Variants in RSPO2 observed in about 807,000 individuals in gnomAD.
RSPO2 encodes the protein R-spondin-2.
A neutral mutation model predicts 30.9 loss-of-function variants in RSPO2; 14 were observed. The observed-to-expected ratio is 0.45, with a 90% confidence interval of 0.30 to 0.71. The LOEUF (loss-of-function observed/expected upper bound fraction) is 0.71, where lower values mean the gene tolerates loss of function less well. Among genes scored for constraint, RSPO2 ranks in the 30% least tolerant of loss-of-function variants. The pLI, the probability that RSPO2 is intolerant of heterozygous loss-of-function variation, is 0.08. For synonymous variants in RSPO2, 107 were observed against 96.4 expected, an observed-to-expected ratio of 1.11 and a Z score of -0.64; for missense variants, 264 against 301.9, an observed-to-expected ratio of 0.87 and a Z score of 0.93.
At chr8:107,955,954 C>T (rs1256370616) in intron 5 of RSPO2, among the ~76,000 whole-genome samples, 4 of 152,184 alleles carry the variant, frequency 2.6e-5, no homozygotes, top group Non-Finnish European at 5.9e-5. Context: ...TCACTGAAAT[C>T]AAATCAAGAT....
At chr8:107,902,002 C>G (rs897835230) in intron 5 of RSPO2, among the ~76,000 whole-genome samples, 4 of 152,168 alleles carry the variant, frequency 2.6e-5, no homozygotes, top group African/African-American at 9.7e-5. Flanking sequence ...TTTACTTCCT[C>G]CATCTGTGGT....
chr8:108,058,320 T>C (rs1812323669), intron 2 of RSPO2, among the ~76,000 whole-genome samples: 1 of 152,118 alleles, frequency 6.6e-6, no homozygotes, highest in African/African-American at 2.4e-5. Context: ...CAAGGAGAAC[T>C]ACAAACCACT....
At chr8:108,074,333 G>C (rs1403713043) in intron 2 of RSPO2, among the ~76,000 whole-genome samples, 1 of 152,092 alleles carries the variant, frequency 6.6e-6, no homozygotes, top group African/African-American at 2.4e-5. Flanking sequence ...TAATACCTTT[G>C]CTCTGACCCT....
At position 108,028,193 on chromosome 8, in the gene RSPO2, G is replaced by C. The variant is rs1259537282; in HGVS notation, c.95-38949C>G. Among the ~76,000 whole-genome samples, 3 of 152,070 alleles carry C rather than the reference G, an allele frequency of 2.0e-5. No individual in the cohort carries two copies. In the East Asian group the frequency reaches 5.8e-4, roughly 29 times the overall value. ...TCACCTTAACTCTGACCTAGCAATT[G>C]ACCTTCTTGACCCCCCTAAACTGCT... is the stretch of plus-strand genomic sequence containing the variant. On this transcript the variant is annotated intron_variant, in intron 2 of 5. Coordinates refer to ENST00000276659, the MANE Select transcript of RSPO2 (RefSeq NM_178565.5).
Position 107,985,457 on chromosome 8 carries a change from G to A in RSPO2, c.283+3599C>T, listed in dbSNP as rs186711431. Among the ~76,000 whole-genome samples, 78 of 152,184 alleles carry A rather than the reference G, an allele frequency of 5.1e-4. 1 individual carries two copies. The highest frequency in any genetic ancestry group is 1.4e-3 in the African/African-American group (59 of 41,526). On this transcript the variant is annotated intron_variant, in intron 3 of 5. Transcript: ENST00000276659. ...ACCATTCAGTAGAATATTTGCAACCGTATTTAATGGCATGAAAATATGTTC... is the reference window on the plus strand; with the variant it reads ...ACCATTCAGTAGAATATTTGCAACCATATTTAATGGCATGAAAATATGTTC...
In RSPO2 at chr8:108,067,854, C is replaced by T. The variant is rs527430510; in HGVS notation, c.94+14691G>A. Among the ~76,000 whole-genome samples, 8 of 152,176 alleles carry T rather than the reference C, an allele frequency of 5.3e-5. No homozygotes were observed. The South Asian group carries it at 1.0e-3, about 20-fold the overall frequency. On this transcript the variant is annotated intron_variant, in intron 2 of 5. Transcript: ENST00000276659. ...CTGTAATCCCAGCATTTTGGGAGGC[C>T]GAGGCAGGCAGATCACAAAGGTCAG...
At chr8:108,034,538 T>TA (rs1238691679) in intron 2 of RSPO2, among the ~76,000 whole-genome samples, 2 of 152,224 alleles carry the variant, frequency 1.3e-5, no homozygotes, top group Non-Finnish European at 2.9e-5. Context: ...AGATGAAGCA[T>TA]ATACAGAAAA....
rs1349465262 is a variant in RSPO2 at position 107,900,922 on chromosome 8, G to T, written c.*153C>A. 2.7e-6 allele frequency: 2 copies of T among 734,670 alleles called. No homozygotes were observed. Among genetic ancestry groups the T allele is most frequent in the African/African-American group, 1.8e-5 (1 of 56,408 alleles). 45.5% of individuals were successfully genotyped at this position (734,670 alleles called of 1,614,324 possible). A position where few individuals can be genotyped will look rare whatever the true frequency, so the allele number is the denominator to read the frequency against. ...AAATCAAAGCATAAATAACACAGGG[G>T]CCATGCTGGTGGTGCTTCCTTTCAC... is the stretch of plus-strand genomic sequence containing the variant. On this transcript the variant is annotated 3_prime_UTR_variant, in exon 6 of 6. Coordinates refer to ENST00000276659, the MANE Select transcript of RSPO2 (RefSeq NM_178565.5).
chr8:107,930,846 C>A (rs898285131), intron 5 of RSPO2, among the ~76,000 whole-genome samples: 3 of 152,142 alleles, frequency 2.0e-5, no homozygotes, highest in African/African-American at 7.2e-5. Flanking sequence ...TTGGCTTAAC[C>A]AGTGTGTGTC....
chr8:107,956,998 G>A (rs1813454122), intron 5 of RSPO2, among the ~76,000 whole-genome samples: 1 of 152,140 alleles, frequency 6.6e-6, no homozygotes, highest in Non-Finnish European at 1.5e-5. Context: ...AATTCAAGAG[G>A]AAAAGCTGCT....
chr8:107,999,102 A>C (rs145677953), intron 2 of RSPO2, among the ~76,000 whole-genome samples: 4 of 152,294 alleles, frequency 2.6e-5, no homozygotes, highest in African/African-American at 9.6e-5. Flanking sequence ...TGAGTTCTTT[A>C]ATAGAGAATG....
rs189219347 is a variant in RSPO2, at chr8:108,010,796, A to T, written c.95-21552T>A. Among the ~76,000 whole-genome samples, 142 of 152,296 alleles carry T rather than the reference A, an allele frequency of 9.3e-4. 1 individual carries two copies. The highest frequency in any genetic ancestry group is 1.8e-3 in the Non-Finnish European group (121 of 68,018). On this transcript the variant is annotated intron_variant, in intron 2 of 5. Transcript: ENST00000276659. ...TTGGTGAAAAGGCAGGGAAGGAAGG[A>T]AGAGCACACCCAGAAATAAAAATGA...
At chr8:108,065,675 A>C (rs1035359667) in intron 2 of RSPO2, among the ~76,000 whole-genome samples, 3 of 151,702 alleles carry the variant, frequency 2.0e-5, no homozygotes, top group Non-Finnish European at 2.9e-5. Flanking sequence ...AAAAAAAAAA[A>C]AACTTTACTG....
intron 2 of RSPO2, among the ~76,000 whole-genome samples, chr8:107,990,143 A>C (rs1441451014): frequency 6.6e-6 from 1 of 152,094 alleles, no homozygotes; most frequent in Non-Finnish European, 1.5e-5. Flanking sequence ...TCTAAAACTT[A>C]ACAAAAAATT....
chr8:107,909,965 G>T (rs910505710), intron 5 of RSPO2, among the ~76,000 whole-genome samples: 1 of 152,154 alleles, frequency 6.6e-6, no homozygotes, highest in South Asian at 2.1e-4. Flanking sequence ...TTGTACAGGT[G>T]CCTGCCCTAA....
chr8:107,916,528 A>G (rs946861827), intron 5 of RSPO2, among the ~76,000 whole-genome samples: 1 of 152,232 alleles, frequency 6.6e-6, no homozygotes, highest in African/African-American at 2.4e-5. Context: ...TACAAAGTGC[A>G]TAAGAAAAGA....
At chr8:108,073,884 A>T (rs1376159767) in intron 2 of RSPO2, among the ~76,000 whole-genome samples, 2 of 152,210 alleles carry the variant, frequency 1.3e-5, no homozygotes, top group South Asian at 2.1e-4. Flanking sequence ...ACTTTTAGAA[A>T]ACAATTATGT....
At chr8:107,974,391 A>G (rs1814134944) in intron 3 of RSPO2, among the ~76,000 whole-genome samples, 1 of 152,094 alleles carries the variant, frequency 6.6e-6, no homozygotes, top group African/African-American at 2.4e-5. Flanking sequence ...ACGCACCTGT[A>G]GTGCCAGTTA....
chr8:108,063,714 T>A (rs912822667), intron 2 of RSPO2, among the ~76,000 whole-genome samples: 1 of 151,922 alleles, frequency 6.6e-6, no homozygotes, highest in Non-Finnish European at 1.5e-5. Context: ...AGAGCCCGCA[T>A]TGCCAAGTCA....
Sources: gnomAD v4.1 joint callset for allele counts (sites outside exome capture counted in the v4.1 genomes callset) on GRCh38, gnomAD v4.1.1 for gene constraint, MANE v1.5 for transcripts, NCBI Gene and HGNC (gene_info 2026-07-23, HGNC 2026-07-21) for gene names.